Variants in PPFIBP1 observed in about 807,000 individuals in gnomAD.
PPFIBP1 encodes the protein liprin-beta-1.
A neutral mutation model predicts 137.8 loss-of-function variants in PPFIBP1; 112 were observed. That is an observed-to-expected ratio of 0.81 (90% CI 0.70 to 0.95). The LOEUF is 0.95. Ranked by LOEUF, PPFIBP1 falls within the 40% of genes least tolerant of loss-of-function variation. The pLI is 0.00. For synonymous variants in PPFIBP1, 378 were observed against 417.3 expected (o/e 0.91, Z 1.15); for missense variants, 1,083 against 1,196.6 (o/e 0.91, Z 1.40).
At chr12:27,601,834 A>C (rs35557000) in intron 2 of PPFIBP1, among the ~76,000 whole-genome samples, 6,939 of 152,328 alleles carry the variant, frequency 0.046, 220 homozygotes, top group Non-Finnish European at 0.072. Flanking sequence ...CATGGCCAGC[A>C]GGCACAAAAA....
chr12:27,543,973 A>G (rs541279537), intron 1 of PPFIBP1, among the ~76,000 whole-genome samples: 3 of 139,188 alleles, frequency 2.2e-5, no homozygotes, highest in Admixed American at 8.1e-5. Flanking sequence ...CTCAACCTCC[A>G]GGCTCAAGCT....
intron 4 of PPFIBP1, chr12:27,636,985 C>T (rs1383214074): frequency 6.6e-6 from 1 of 152,244 alleles, no homozygotes; most frequent in Non-Finnish European, 1.5e-5. Flanking sequence ...GGCTAGCTCC[C>T]TCACATTCTC....
intron 9 of PPFIBP1, among the ~76,000 whole-genome samples, chr12:27,657,562 T>A (rs2059284091): frequency 6.6e-6 from 1 of 151,708 alleles, no homozygotes; most frequent in Non-Finnish European, 1.5e-5. Flanking sequence ...AGTAACATTG[T>A]CTGTCCAATG....
intron 13 of PPFIBP1, among the ~76,000 whole-genome samples, 166 bp downstream of exon 13, chr12:27,667,486 C>T (rs941716698): frequency 6.6e-6 from 1 of 152,236 alleles, no homozygotes; most frequent in Non-Finnish European, 1.5e-5. Flanking sequence ...GATGGTGACT[C>T]TGAAAGATAA....
chr12:27,652,687 G>A (rs1004025858), intron 7 of PPFIBP1, among the ~76,000 whole-genome samples: 6 of 151,942 alleles, frequency 3.9e-5, no homozygotes, highest in Admixed American at 3.9e-4. Flanking sequence ...TTTTTCAGTG[G>A]TTTCTTCTTT....
At chr12:27,525,864 G>C (rs184085863) in intron 1 of PPFIBP1, among the ~76,000 whole-genome samples, 10 of 152,296 alleles carry the variant, frequency 6.6e-5, no homozygotes, top group Admixed American at 6.5e-4. Context: ...ACATACCTGG[G>C]TCTGTATTGT....
At chr12:27,688,945 A>G (rs1018036399) in intron 26 of PPFIBP1, 70 bp from the exon 27 acceptor site, 7 of 1,503,672 alleles carry the variant, frequency 4.7e-6, no homozygotes, top group African/African-American at 1.4e-5. Context: ...TTTGCAAATT[A>G]TAAAGCACAA....
At position 27,679,917 on chromosome 12, in the gene PPFIBP1, G is replaced by C; in HGVS notation, c.1767-16G>C. 6.2e-7 allele frequency: 1 copy of C among 1,614,008 alleles called. No individual in the cohort carries two copies. On this transcript the variant is annotated splice_polypyrimidine_tract_variant and intron_variant, in intron 20 of 29. Transcript: ENST00000228425. Reference sequence around the variant, plus strand: ...TCCTCAGGTCTAATACTGGCCATGTGTGTTGTCTTCTTTAGACTTAGGAGA... The same window carrying C: ...TCCTCAGGTCTAATACTGGCCATGTCTGTTGTCTTCTTTAGACTTAGGAGA...
chr12:27,673,335 CAG>C (rs2060314357), intron 15 of PPFIBP1, among the ~76,000 whole-genome samples: 1 of 152,200 alleles, frequency 6.6e-6, no homozygotes, highest in African/African-American at 2.4e-5. Flanking sequence ...TTGCCAGACT[CAG>C]AAATGTGATT....
At chr12:27,651,713 G>A (rs1334440396) in intron 7 of PPFIBP1, among the ~76,000 whole-genome samples, 4 of 152,118 alleles carry the variant, frequency 2.6e-5, no homozygotes, top group South Asian at 2.1e-4. Context: ...TCTACATTGC[G>A]TCCACAAAGT....
At chr12:27,554,768 G>A (rs1947108920) in intron 1 of PPFIBP1, among the ~76,000 whole-genome samples, 1 of 151,998 alleles carries the variant, frequency 6.6e-6, no homozygotes, top group South Asian at 2.1e-4. Flanking sequence ...CCTACATCTG[G>A]AGTCTTGTGC....
At chr12:27,607,414 T>A (rs1394455358) in intron 2 of PPFIBP1, among the ~76,000 whole-genome samples, 1 of 152,192 alleles carries the variant, frequency 6.6e-6, no homozygotes, top group Non-Finnish European at 1.5e-5. Context: ...ACTTAGGAAA[T>A]TTTAACAAGA....
At chr12:27,548,059 T>C (rs1946402705) in intron 1 of PPFIBP1, 1 of 152,220 alleles carries the variant, frequency 6.6e-6, no homozygotes. Context: ...TTATAACTGC[T>C]TTGTGAACTA....
At chr12:27,647,471 A>G (rs73084354) in intron 5 of PPFIBP1, among the ~76,000 whole-genome samples, 30,034 of 152,126 alleles carry the variant, frequency 0.2, 4,187 homozygotes, top group East Asian at 0.48. Flanking sequence ...TGGTTGAAGT[A>G]GCTTTAACCA....
chr12:27,567,875 C>T (rs574636801), intron 1 of PPFIBP1, among the ~76,000 whole-genome samples: 2 of 152,040 alleles, frequency 1.3e-5, no homozygotes, highest in African/African-American at 2.4e-5. Flanking sequence ...AGTTTATATC[C>T]CATATCATTA....
intron 2 of PPFIBP1, among the ~76,000 whole-genome samples, chr12:27,626,832 C>T (rs900466844): frequency 6.6e-6 from 1 of 152,184 alleles, no homozygotes; most frequent in Non-Finnish European, 1.5e-5. Context: ...TCCCAAAGTG[C>T]TGGGATTACA....
At chr12:27,651,638 A>G (rs1213942388) in intron 7 of PPFIBP1, among the ~76,000 whole-genome samples, 1 of 152,180 alleles carries the variant, frequency 6.6e-6, no homozygotes, top group African/African-American at 2.4e-5. Context: ...CAGATGGGCA[A>G]CATGGCAGTG....
At chr12:27,681,500 G>C in intron 21 of PPFIBP1, 46 bp from the exon 22 acceptor site, 1 of 1,585,142 alleles carries the variant, frequency 6.3e-7, no homozygotes, top group Non-Finnish European at 8.7e-7. Flanking sequence ...TAAGCCACAG[G>C]ATTGGCTTTG....
At chr12:27,663,470 A>AAAAG (rs1432616356) in intron 11 of PPFIBP1, among the ~76,000 whole-genome samples, 4 of 152,186 alleles carry the variant, frequency 2.6e-5, no homozygotes, top group Non-Finnish European at 5.9e-5. Context: ...AAAATCGAAG[A>AAAAG]AAAGAAAGAG....
Sources: gnomAD v4.1 joint callset for allele counts (sites outside exome capture counted in the v4.1 genomes callset) on GRCh38, gnomAD v4.1.1 for gene constraint, MANE v1.5 for transcripts, NCBI Gene and HGNC (gene_info 2026-07-23, HGNC 2026-07-21) for gene names.